The following SLMAP variants were observed in gnomAD, a reference collection of about 807,000 sequenced individuals.
SLMAP encodes the protein sarcolemmal membrane-associated protein.
In SLMAP, 44 loss-of-function variants were observed where a neutral mutation model predicts 128.8. The observed-to-expected ratio is 0.34, with a 90% CI of 0.27 to 0.44. The LOEUF (loss-of-function observed/expected upper bound fraction) is 0.44, where lower values mean the gene tolerates loss of function less well. Among genes scored for constraint, SLMAP ranks in the 20% least tolerant of loss-of-function variants. The probability of loss-of-function intolerance (pLI) is 1.00; values close to 1 mark genes in which losing one functional copy is unlikely to be tolerated. For synonymous variants in SLMAP, 327 were observed against 348.8 expected (o/e 0.94, Z 0.70); for missense variants, 787 against 985.3 (o/e 0.80, Z 2.69).
chr3:57,806,237 G>A (rs2153504317), intron 2 of SLMAP, among the ~76,000 whole-genome samples: 1 of 151,986 alleles, frequency 6.6e-6, no homozygotes, highest in South Asian at 2.1e-4. Flanking sequence ...GCCCTGGTGT[G>A]TGTTGTTCCC....
chr3:57,772,336 A>C (rs1417050865), intron 2 of SLMAP, among the ~76,000 whole-genome samples: 1 of 152,236 alleles, frequency 6.6e-6, no homozygotes, highest in African/African-American at 2.4e-5. Context: ...TGCCACAGAC[A>C]TTGTTGATAG....
intron 15 of SLMAP, among the ~76,000 whole-genome samples, chr3:57,895,140 G>A (rs911105395): frequency 2.0e-5 from 3 of 151,436 alleles, no homozygotes; most frequent in African/African-American, 7.3e-5. Context: ...AAAAAAGAAA[G>A]GAATTCCATA....
intron 2 of SLMAP, among the ~76,000 whole-genome samples, chr3:57,823,123 A>G (rs573759290): frequency 6.6e-6 from 1 of 152,158 alleles, no homozygotes; most frequent in Non-Finnish European, 1.5e-5. Flanking sequence ...TGCTGGGGGG[A>G]AAAATGGACA....
intron 17 of SLMAP, among the ~76,000 whole-genome samples, chr3:57,902,588 A>G (rs2096415221): frequency 6.6e-6 from 1 of 152,144 alleles, no homozygotes; most frequent in Non-Finnish European, 1.5e-5. Context: ...AACTAGGGTA[A>G]TTACTGTGGA....
At chr3:57,877,105 C>T (rs1186790544) in intron 14 of SLMAP, among the ~76,000 whole-genome samples, 1 of 151,798 alleles carries the variant, frequency 6.6e-6, no homozygotes, top group Non-Finnish European at 1.5e-5. Context: ...TATTATGAGA[C>T]TTAACTTTTT....
chr3:57,805,461 A>G (rs1277107682), intron 2 of SLMAP, among the ~76,000 whole-genome samples: 1 of 152,228 alleles, frequency 6.6e-6, no homozygotes, highest in Non-Finnish European at 1.5e-5. Flanking sequence ...AGATACTGGT[A>G]TTATCTGTCC....
chr3:57,802,564 C>T (rs953194526), intron 2 of SLMAP, among the ~76,000 whole-genome samples: 1 of 152,130 alleles, frequency 6.6e-6, no homozygotes, highest in African/African-American at 2.4e-5. Context: ...CCGCGCTCAG[C>T]CTGCTCTTTG....
intron 14 of SLMAP, among the ~76,000 whole-genome samples, chr3:57,880,650 G>A (rs1371891973): frequency 6.6e-6 from 1 of 152,062 alleles, no homozygotes; most frequent in Non-Finnish European, 1.5e-5. Flanking sequence ...GGCCAAGGTG[G>A]GAGGATCGCT....
intron 20 of SLMAP, 121 bp downstream of exon 20, chr3:57,912,822 T>C (rs755787608): frequency 5.7e-5 from 37 of 649,290 alleles, no homozygotes; most frequent in Non-Finnish European, 8.5e-5. Context: ...TATAAACCAA[T>C]GTTTTTAAAT....
chr3:57,845,826 G>T (rs2094212541), intron 4 of SLMAP, among the ~76,000 whole-genome samples: 1 of 151,638 alleles, frequency 6.6e-6, no homozygotes, highest in African/African-American at 2.4e-5. Context: ...GGAATTGGTT[G>T]TATGATTATC....
intron 17 of SLMAP, chr3:57,899,895 A>ATTATTT (rs2096332452): frequency 6.6e-6 from 1 of 152,168 alleles, no homozygotes; most frequent in Non-Finnish European, 1.5e-5. Context: ...TATGGTCATT[A>ATTATTT]TTATTTTTCT....
chr3:57,862,868 AG>A (rs2095151567), intron 10 of SLMAP, among the ~76,000 whole-genome samples: 1 of 152,220 alleles, frequency 6.6e-6, no homozygotes, highest in Non-Finnish European at 1.5e-5. Context: ...AGTGAAAATA[AG>A]GTGTCTGTAT....
At chr3:57,780,854 G>A (rs1160929808) in intron 2 of SLMAP, among the ~76,000 whole-genome samples, 1 of 151,752 alleles carries the variant, frequency 6.6e-6, no homozygotes, top group African/African-American at 2.4e-5. Context: ...TGTTGCCCAG[G>A]CTGGTCTTGA....
chr3:57,892,308 A>C (rs1394968440), intron 15 of SLMAP, among the ~76,000 whole-genome samples: 1 of 152,196 alleles, frequency 6.6e-6, no homozygotes, highest in Non-Finnish European at 1.5e-5. Context: ...ACCGACTGTT[A>C]CCAGTCTTAC....
chr3:57,786,962 G>T (rs922345388), intron 2 of SLMAP, among the ~76,000 whole-genome samples: 3 of 151,840 alleles, frequency 2.0e-5, no homozygotes, highest in East Asian at 3.9e-4. Flanking sequence ...GATCTCGATC[G>T]CCTGACCTTG....
chr3:57,881,351 T>C (rs2095738487), intron 14 of SLMAP, among the ~76,000 whole-genome samples: 1 of 152,228 alleles, frequency 6.6e-6, no homozygotes, highest in Non-Finnish European at 1.5e-5. Context: ...CAGAGATCTC[T>C]GATCTCACCT....
intron 13 of SLMAP, among the ~76,000 whole-genome samples, chr3:57,868,963 GTGTGTATTATATATAATATATATTATATA>G (rs1323153726): frequency 2.2e-4 from 28 of 130,100 alleles, no homozygotes; most frequent in South Asian, 4.7e-4. Context: ...TATAATATAT[GTGTGTATTATATATAATATATATTATATA>G]TGTGTATTAT....
intron 2 of SLMAP, among the ~76,000 whole-genome samples, chr3:57,798,407 T>C (rs1420898543): frequency 1.3e-5 from 2 of 152,220 alleles, no homozygotes; most frequent in Non-Finnish European, 2.9e-5. Context: ...CATACTTGAT[T>C]TTCTAGAGTG....
intron 3 of SLMAP, among the ~76,000 whole-genome samples, chr3:57,838,444 T>A (rs531423086): frequency 6.6e-6 from 1 of 152,308 alleles, no homozygotes; most frequent in Admixed American, 6.5e-5. Flanking sequence ...TAAGCAGGCA[T>A]GTTCCTCAAC....
Sources: allele counts gnomAD v4.1 joint callset (sites outside exome capture counted in the v4.1 genomes callset), GRCh38; gene constraint gnomAD v4.1.1; transcripts MANE v1.5; gene names NCBI Gene and HGNC (gene_info 2026-07-23, HGNC 2026-07-21).